The following XNDC1N variants were observed in gnomAD, a reference collection of about 807,000 sequenced individuals.
XNDC1N encodes the protein XRCC1 N-terminal domain containing 1, N-terminal like.
the XNDC1N span, chr11:71,903,886 A>G: frequency 2.6e-6 from 1 of 384,352 alleles, no homozygotes; most frequent in African/African-American, 2.1e-5. Flanking sequence ...TTTCATCATC[A>G]GGTGGGAAGT....
the XNDC1N span, among the ~76,000 whole-genome samples, chr11:71,906,750 C>T: frequency 6.6e-6 from 1 of 152,084 alleles, no homozygotes; most frequent in East Asian, 1.9e-4. Flanking sequence ...ACTGTGTGTA[C>T]ACCCCGTGTG....
At chr11:71,910,247 A>C in the XNDC1N span, among the ~76,000 whole-genome samples, 17 of 152,208 alleles carry the variant, frequency 1.1e-4, no homozygotes, top group Admixed American at 7.9e-4. Flanking sequence ...AACTGACTTT[A>C]CATCCAACAG....
chr11:71,910,012 T>A, the XNDC1N span, among the ~76,000 whole-genome samples: 2 of 151,576 alleles, frequency 1.3e-5, no homozygotes, highest in Non-Finnish European at 1.5e-5. Flanking sequence ...AGAAGACAAC[T>A]CTCCGGGATT....
the XNDC1N span, among the ~76,000 whole-genome samples, chr11:71,915,397 G>A: frequency 2.0e-5 from 3 of 150,774 alleles, no homozygotes; most frequent in Non-Finnish European, 2.9e-5. Context: ...GCAGTGAGCC[G>A]AGATCGCCCC....
chr11:71,928,401 G>C, the XNDC1N span: 3 of 690,674 alleles, frequency 4.3e-6, no homozygotes, highest in South Asian at 1.5e-5. Context: ...CCGTTGCCTC[G>C]GATCTCGGAC....
At chr11:71,923,046 C>T in the XNDC1N span, among the ~76,000 whole-genome samples, 3 of 152,224 alleles carry the variant, frequency 2.0e-5, no homozygotes, top group African/African-American at 4.8e-5. Context: ...TCTGGGCTTA[C>T]AGCTTTGCCA....
chr11:71,878,845 A>C, the XNDC1N span, among the ~76,000 whole-genome samples: 1 of 151,806 alleles, frequency 6.6e-6, no homozygotes, highest in Non-Finnish European at 1.5e-5. Context: ...AAAAAAATAC[A>C]AAAAATTAGT....
At chr11:71,890,504 C>T in the XNDC1N span, among the ~76,000 whole-genome samples, 1 of 151,916 alleles carries the variant, frequency 6.6e-6, no homozygotes, top group Non-Finnish European at 1.5e-5. Flanking sequence ...CCACTGGATA[C>T]TAAAAACCAT....
At chr11:71,904,270 G>A in the XNDC1N span, among the ~76,000 whole-genome samples, 1 of 152,140 alleles carries the variant, frequency 6.6e-6, no homozygotes, top group Non-Finnish European at 1.5e-5. Context: ...CTGTCACAGA[G>A]TACACACACA....
At chr11:71,909,505 G>T in the XNDC1N span, among the ~76,000 whole-genome samples, 5 of 152,214 alleles carry the variant, frequency 3.3e-5, no homozygotes, top group Admixed American at 2.0e-4. Flanking sequence ...GGAGGAAGGG[G>T]CCCTGCTCAA....
At chr11:71,888,044 T>A in the XNDC1N span, among the ~76,000 whole-genome samples, 8 of 152,024 alleles carry the variant, frequency 5.3e-5, no homozygotes, top group Non-Finnish European at 4.4e-5. Flanking sequence ...CCTCCAGAAG[T>A]TTCCCAGCAG....
chr11:71,871,255 G>A, the XNDC1N span, among the ~76,000 whole-genome samples: 88 of 152,258 alleles, frequency 5.8e-4, no homozygotes, highest in African/African-American at 2.0e-3. Context: ...AGAACATTAG[G>A]CTAAGTGAAA....
At chr11:71,925,150 AC>A in the XNDC1N span, among the ~76,000 whole-genome samples, 4 of 151,548 alleles carry the variant, frequency 2.6e-5, no homozygotes, top group Non-Finnish European at 5.9e-5. Flanking sequence ...GACAGCTCCA[AC>A]CTGTCAATTC....
chr11:71,919,332 G>A, the XNDC1N span, among the ~76,000 whole-genome samples: 1 of 151,860 alleles, frequency 6.6e-6, no homozygotes, highest in African/African-American at 2.4e-5. Context: ...ACTTACTGAA[G>A]GCCATAGGCT....
At chr11:71,923,504 C>G in the XNDC1N span, 1 of 620,622 alleles carries the variant, frequency 1.6e-6, no homozygotes, top group African/African-American at 1.8e-5. Flanking sequence ...GAAAAACAAA[C>G]TAGCCATGGC....
At chr11:71,895,352 C>A in the XNDC1N span, among the ~76,000 whole-genome samples, 8 of 151,970 alleles carry the variant, frequency 5.3e-5, no homozygotes, top group Admixed American at 5.2e-4. Flanking sequence ...TCTTGTTGCC[C>A]AGGCTGGAGT....
chr11:71,911,469 C>A, the XNDC1N span, among the ~76,000 whole-genome samples: 2 of 152,154 alleles, frequency 1.3e-5, no homozygotes, highest in African/African-American at 4.8e-5. Flanking sequence ...GCTTCTTCAA[C>A]CCCCAAGGAG....
chr11:71,925,996 GC>G, the XNDC1N span: 1 of 152,208 alleles, frequency 6.6e-6, no homozygotes, highest in Non-Finnish European at 1.5e-5. Flanking sequence ...CTTGGGCCAG[GC>G]ATGGTGGCTC....
At chr11:71,898,299 T>C in the XNDC1N span, among the ~76,000 whole-genome samples, 1 of 151,246 alleles carries the variant, frequency 6.6e-6, no homozygotes, top group Admixed American at 6.6e-5. Context: ...GTCAGTGAAA[T>C]AAATAAATCC....
Sources: gnomAD v4.1 joint callset for allele counts (sites outside exome capture counted in the v4.1 genomes callset) on GRCh38, gnomAD v4.1.1 for gene constraint, MANE v1.5 for transcripts, NCBI Gene and HGNC (gene_info 2026-07-23, HGNC 2026-07-21) for gene names.